The following FMN1 variants were observed in gnomAD, a reference collection of about 807,000 sequenced individuals.
The protein encoded by FMN1 is formin-1.
FMN1 carries 110 observed loss-of-function variants against 132.4 expected under a neutral mutation model. The observed-to-expected ratio is 0.83, with a 90% CI of 0.71 to 0.97. FMN1 has a LOEUF of 0.97. Ranked by LOEUF, FMN1 falls within the 50% of genes least tolerant of loss-of-function variation. The pLI is 0.00. For synonymous variants in FMN1, 722 were observed against 651.7 expected (o/e 1.11, Z -1.64); for missense variants, 1,792 against 1,705.3 (o/e 1.05, Z -0.90).
At chr15:33,016,222 G>A (rs935380664) in intron 6 of FMN1, among the ~76,000 whole-genome samples, 1 of 152,178 alleles carries the variant, frequency 6.6e-6, no homozygotes, top group African/African-American at 2.4e-5. Flanking sequence ...ATCACTGACA[G>A]ATAAATACAA....
At chr15:32,924,753 C>T (rs190663969) in intron 10 of FMN1, among the ~76,000 whole-genome samples, 94 of 152,282 alleles carry the variant, frequency 6.2e-4, no homozygotes, top group African/African-American at 2.2e-3. Context: ...AGCCCCATCT[C>T]TACTTAAAAA....
At chr15:33,023,653 T>C (rs1422106268) in intron 6 of FMN1, among the ~76,000 whole-genome samples, 2 of 152,112 alleles carry the variant, frequency 1.3e-5, no homozygotes, top group South Asian at 2.1e-4. Context: ...TAATTGAAAG[T>C]GCAGCATGGT....
chr15:33,172,021 G>A (rs577096625), intron 3 of FMN1, among the ~76,000 whole-genome samples: 116 of 152,144 alleles, frequency 7.6e-4, no homozygotes, highest in African/African-American at 2.1e-3. Flanking sequence ...CATCCTGGCT[G>A]ACACGGTGAA....
intron 15 of FMN1, among the ~76,000 whole-genome samples, chr15:32,890,580 CCATT>C (rs1353505012): frequency 6.6e-6 from 1 of 152,136 alleles, no homozygotes; most frequent in Non-Finnish European, 1.5e-5. Flanking sequence ...TGGGAACTGT[CCATT>C]CATGTACTTC....
At chr15:33,083,661 G>A (rs1450470478) in intron 5 of FMN1, among the ~76,000 whole-genome samples, 3 of 152,114 alleles carry the variant, frequency 2.0e-5, no homozygotes, top group Non-Finnish European at 4.4e-5. Flanking sequence ...TAATAAATTG[G>A]TAATGTCAGA....
chr15:33,161,578 C>T (rs1349397575), intron 3 of FMN1, among the ~76,000 whole-genome samples: 1 of 152,112 alleles, frequency 6.6e-6, no homozygotes, highest in African/African-American at 2.4e-5. Flanking sequence ...TTTCTCCTTT[C>T]CATCCACCCT....
At chr15:33,121,450 G>A (rs527606816) in intron 4 of FMN1, among the ~76,000 whole-genome samples, 15 of 152,274 alleles carry the variant, frequency 9.9e-5, no homozygotes, top group Non-Finnish European at 1.3e-4. Context: ...ATTACATGTA[G>A]TTCTATATGA....
At position 32,771,452 on chromosome 15, in the gene FMN1, T is replaced by G. The variant is rs561170834; in HGVS notation, c.*2858A>C. 1 of 152,230 alleles carries G rather than the reference T, an allele frequency of 6.6e-6. No individual in the cohort carries two copies. Among genetic ancestry groups the G allele is most frequent in the African/African-American group, 2.4e-5 (1 of 41,470 alleles). 9.4% of individuals were successfully genotyped at this position (152,230 alleles called of 1,614,324 possible). On this transcript the variant is annotated 3_prime_UTR_variant, in exon 21 of 21. Coordinates refer to ENST00000616417, the MANE Select transcript of FMN1 (RefSeq NM_001277313.2). ...TACTTTGTGTAATTTATGTAACTTA[T>G]GATATTGTGTGCTCTGATGCTGTCA...
At chr15:33,144,601 G>A (rs1420211126) in intron 4 of FMN1, among the ~76,000 whole-genome samples, 1 of 142,788 alleles carries the variant, frequency 7.0e-6, no homozygotes, top group African/African-American at 2.6e-5. Context: ...TTGCGCCACT[G>A]CACTCCAGCC....
intron 7 of FMN1, among the ~76,000 whole-genome samples, chr15:33,001,238 A>G (rs1308368693): frequency 6.6e-6 from 1 of 152,182 alleles, no homozygotes; most frequent in Non-Finnish European, 1.5e-5. Flanking sequence ...AGCCGAGATC[A>G]CAGCATTTCA....
In FMN1 at chr15:32,926,280, A is replaced by C; in HGVS notation, c.3139-19T>G. 7.2e-7 allele frequency: 1 copy of C among 1,392,568 alleles called. No homozygotes were observed. Among genetic ancestry groups the C allele is most frequent in the Non-Finnish European group, 9.8e-7 (1 of 1,018,254 alleles). 86.3% of individuals were successfully genotyped at this position (1,392,568 alleles called of 1,614,324 possible). A position where few individuals can be genotyped will look rare whatever the true frequency, so the allele number is the denominator to read the frequency against. On this transcript the variant is annotated intron_variant, in intron 9 of 20. Transcript: ENST00000616417. ...TGATGATCTAAAATTAGAAAAAAAA[A>C]AAAAAGAATACAAGCTCAAATGACC...
At position 33,138,480 on chromosome 15, in the gene FMN1, C is replaced by T. The variant is rs142427517; in HGVS notation, c.1867+14568G>A. On this transcript the variant is annotated intron_variant, in intron 4 of 20. Transcript: ENST00000616417. ...AAGGACAGTCTGGCACGTCCCTCAACGTTCCCAGCGAGATACTGCCACCTT... is the reference window on the plus strand; with the variant it reads ...AAGGACAGTCTGGCACGTCCCTCAATGTTCCCAGCGAGATACTGCCACCTT... Among the ~76,000 whole-genome samples the T allele has an allele frequency of 1.2e-4, 18 of 152,264 alleles. No individual in the cohort carries two copies. In the East Asian group the frequency reaches 3.5e-3, roughly 29 times the overall value.
At chr15:33,113,302 G>A (rs1453230161) in intron 4 of FMN1, among the ~76,000 whole-genome samples, 3 of 152,068 alleles carry the variant, frequency 2.0e-5, no homozygotes. Flanking sequence ...GATGAGTGTT[G>A]CCATGTATTT....
intron 4 of FMN1, among the ~76,000 whole-genome samples, chr15:33,116,315 C>T (rs916262374): frequency 6.6e-6 from 1 of 152,126 alleles, no homozygotes; most frequent in Non-Finnish European, 1.5e-5. Context: ...TGTGCTTCAT[C>T]CAAGGACAAG....
chr15:32,896,368 A>T (rs1001038417), intron 15 of FMN1, among the ~76,000 whole-genome samples: 51 of 152,126 alleles, frequency 3.4e-4, no homozygotes, highest in Non-Finnish European at 7.4e-4. Flanking sequence ...AAGATTGATT[A>T]GAATTTTGAC....
chr15:32,863,335 G>A (rs902349149), intron 16 of FMN1, among the ~76,000 whole-genome samples: 1 of 152,206 alleles, frequency 6.6e-6, no homozygotes, highest in Middle Eastern at 3.2e-3. Flanking sequence ...TCGGGAGGCT[G>A]AGGCAGGAGA....
chr15:33,018,396 A>C (rs2035198550), intron 6 of FMN1, among the ~76,000 whole-genome samples: 2 of 152,088 alleles, frequency 1.3e-5, no homozygotes, highest in South Asian at 4.1e-4. Flanking sequence ...TCCACCTCCC[A>C]ACCTATGGGG....
chr15:32,992,784 A>G (rs1023882442), intron 7 of FMN1, among the ~76,000 whole-genome samples: 2 of 152,200 alleles, frequency 1.3e-5, no homozygotes, highest in Admixed American at 6.5e-5. Flanking sequence ...TATTAAATCT[A>G]TGTTATAAAG....
chr15:33,008,085 C>T lies in FMN1; in HGVS notation c.2162-10G>A. On this transcript the variant is annotated splice_polypyrimidine_tract_variant and intron_variant, in intron 6 of 20. Transcript: ENST00000616417. ...ATAGCAGCTTGGTATTCTGTAAAAT[C>T]AAAAAAGAGGCCAATTATAAAGAAG... The T allele has an allele frequency of 6.3e-7, 1 of 1,583,474 alleles. No individual in the cohort carries two copies. Among genetic ancestry groups the T allele is most frequent in the Non-Finnish European group, 8.6e-7 (1 of 1,163,312 alleles).
Sources: gnomAD v4.1 joint callset for allele counts (sites outside exome capture counted in the v4.1 genomes callset) on GRCh38, gnomAD v4.1.1 for gene constraint, MANE v1.5 for transcripts, NCBI Gene and HGNC (gene_info 2026-07-23, HGNC 2026-07-21) for gene names.